RANBP2: variants seen among roughly 807,000 people sequenced by gnomAD.
The protein encoded by RANBP2 is E3 SUMO-protein ligase RanBP2.
Under a neutral mutation model 303.6 loss-of-function variants are expected in RANBP2, and 57 were observed. That is an observed-to-expected ratio of 0.19 (90% CI 0.15 to 0.23). The LOEUF (loss-of-function observed/expected upper bound fraction) is 0.23, where lower values mean the gene tolerates loss of function less well. Among genes scored for constraint, RANBP2 ranks in the 10% least tolerant of loss-of-function variants. RANBP2 has a pLI of 1.00. For synonymous variants in RANBP2, 1,167 were observed against 1,301.5 expected, an observed-to-expected ratio of 0.90 and a Z score of 2.23; for missense variants, 3,138 against 3,780.8, an observed-to-expected ratio of 0.83 and a Z score of 4.46.
At chr2:109,253,200 G>A in the RANBP2 span, among the ~76,000 whole-genome samples, 1 of 152,014 alleles carries the variant, frequency 6.6e-6, no homozygotes, top group Non-Finnish European at 1.5e-5. Flanking sequence ...GCTAGTTTTT[G>A]TATTTTTAGT....
the RANBP2 span, among the ~76,000 whole-genome samples, chr2:108,948,842 G>A: frequency 2.6e-5 from 4 of 152,174 alleles, no homozygotes; most frequent in Non-Finnish European, 5.9e-5. Context: ...AGTTGGCCAG[G>A]CATGGTGGCT....
the RANBP2 span, among the ~76,000 whole-genome samples, chr2:109,680,302 AAGATCACGCCACTGCAAG>A: frequency 7.2e-5 from 11 of 151,874 alleles, no homozygotes; most frequent in East Asian, 1.7e-3. Flanking sequence ...GCAGTGAGCC[AAGATCACGCCACTGCAAG>A]AGATCACGCC....
chr2:109,066,336 T>C, the RANBP2 span, among the ~76,000 whole-genome samples: 30 of 152,118 alleles, frequency 2.0e-4, no homozygotes, highest in African/African-American at 7.2e-4. Context: ...CTTGAACTCC[T>C]GACCTCGTGA....
chr2:109,691,383 G>C, the RANBP2 span, among the ~76,000 whole-genome samples: 18 of 152,264 alleles, frequency 1.2e-4, no homozygotes, highest in East Asian at 3.5e-3. Flanking sequence ...GTGCTGCCAG[G>C]CATAAGGCTG....
At chr2:108,777,338 T>C (rs1474118654) in intron 25 of RANBP2, 107 bp downstream of exon 25, 1 of 522,160 alleles carries the variant, frequency 1.9e-6, no homozygotes. Context: ...TTTCTTCCCT[T>C]ACCCCCCAGT....
the RANBP2 span, among the ~76,000 whole-genome samples, chr2:109,286,694 C>A: frequency 6.6e-6 from 1 of 152,190 alleles, no homozygotes; most frequent in Non-Finnish European, 1.5e-5. Context: ...CATCTGCTAG[C>A]AAAACCTGCT....
chr2:109,018,579 C>A, the RANBP2 span, among the ~76,000 whole-genome samples: 1 of 152,228 alleles, frequency 6.6e-6, no homozygotes. Flanking sequence ...GCTCTCCACT[C>A]CCCTTCACTC....
the RANBP2 span, among the ~76,000 whole-genome samples, chr2:109,002,010 A>G: frequency 2.6e-5 from 4 of 152,258 alleles, no homozygotes; most frequent in East Asian, 5.8e-4. Flanking sequence ...GATTACAGGC[A>G]TGAGCCACTG....
At chr2:109,186,576 C>G in the RANBP2 span, among the ~76,000 whole-genome samples, 1 of 152,188 alleles carries the variant, frequency 6.6e-6, no homozygotes, top group East Asian at 1.9e-4. Flanking sequence ...GTAAAGCAAA[C>G]AAATAACCTC....
chr2:108,829,548 C>G, the RANBP2 span, among the ~76,000 whole-genome samples: 1 of 152,184 alleles, frequency 6.6e-6, no homozygotes, highest in African/African-American at 2.4e-5. Context: ...GAGCTTGAGA[C>G]CAGCCTGGCC....
At chr2:109,626,760 C>A in the RANBP2 span, among the ~76,000 whole-genome samples, 3 of 152,214 alleles carry the variant, frequency 2.0e-5, no homozygotes, top group African/African-American at 7.2e-5. Flanking sequence ...CTGGCTTCTG[C>A]CAAGCTGCCT....
At chr2:108,794,335 G>A in the RANBP2 span, among the ~76,000 whole-genome samples, 1 of 151,730 alleles carries the variant, frequency 6.6e-6, no homozygotes, top group Non-Finnish European at 1.5e-5. Context: ...AAGTTGCAAA[G>A]ATAGTGCAAT....
At chr2:109,468,313 T>C in the RANBP2 span, among the ~76,000 whole-genome samples, 1 of 152,156 alleles carries the variant, frequency 6.6e-6, no homozygotes, top group Admixed American at 6.5e-5. Context: ...TGTCTAAATA[T>C]AGCTAAACAT....
rs1229279839 is a variant in RANBP2, at chr2:108,782,559, G to A, written c.9066G>A (p.Val3022=). The change falls in exon 28 of 29, where the codon GTG becomes GTA. Residue 3022 remains valine (V), a synonymous_variant. Coordinates refer to ENST00000283195, the MANE Select transcript of RANBP2 (RefSeq NM_006267.5). ...DGEAKVEQLA[V]RFKTKEVADC... Reference sequence around the variant, plus strand: ...AAGCAAAAGTAGAACAGCTTGCAGTGAGATTTAAAACTAAAGAAGTAGCTG... The same window carrying A: ...AAGCAAAAGTAGAACAGCTTGCAGTAAGATTTAAAACTAAAGAAGTAGCTG... The A allele has an allele frequency of 1.2e-6, 2 of 1,614,170 alleles. No homozygotes were observed. The highest frequency in any genetic ancestry group is 1.7e-6 in the Non-Finnish European group (2 of 1,180,012).
chr2:109,395,688 C>T, the RANBP2 span, among the ~76,000 whole-genome samples: 9 of 152,190 alleles, frequency 5.9e-5, no homozygotes, highest in Non-Finnish European at 1.2e-4. Context: ...AGCAGCCTCT[C>T]GGGGACACGT....
chr2:109,633,237 A>G, the RANBP2 span, among the ~76,000 whole-genome samples: 2 of 152,104 alleles, frequency 1.3e-5, no homozygotes, highest in African/African-American at 4.8e-5. Flanking sequence ...TACTAAAAAT[A>G]CACAGATTAG....
At chr2:108,873,373 T>G in the RANBP2 span, 1 of 1,245,276 alleles carries the variant, frequency 8.0e-7, no homozygotes, top group Non-Finnish European at 1.1e-6. Context: ...ATGCCTCACA[T>G]AGTTCTGATT....
the RANBP2 span, among the ~76,000 whole-genome samples, chr2:109,019,808 G>A: frequency 6.6e-6 from 1 of 152,190 alleles, no homozygotes; most frequent in Non-Finnish European, 1.5e-5. Context: ...CCTGTCCACA[G>A]TACAATGAAA....
the RANBP2 span, among the ~76,000 whole-genome samples, chr2:109,223,857 T>C: frequency 0.74 from 112,356 of 152,168 alleles, 42,039 homozygotes; most frequent in East Asian, 0.89. Context: ...GGTAGCTGGA[T>C]GTGGTGGCAC....
Sources: gnomAD v4.1 joint callset for allele counts (sites outside exome capture counted in the v4.1 genomes callset) on GRCh38, gnomAD v4.1.1 for gene constraint, MANE v1.5 for transcripts, NCBI Gene and HGNC (gene_info 2026-07-23, HGNC 2026-07-21) for gene names.